The following DACH2 variants were observed in gnomAD, a reference collection of about 807,000 sequenced individuals.
DACH2 encodes dachshund homolog 2.
DACH2 carries 17 observed loss-of-function variants against 35.8 expected under a neutral mutation model. The ratio of observed to expected loss-of-function variants is 0.48; its 90% confidence interval spans 0.33 to 0.71. DACH2 has a LOEUF of 0.71. Ranked by LOEUF, DACH2 falls within the 30% of genes least tolerant of loss-of-function variation. The probability of loss-of-function intolerance (pLI) is 0.02; values close to 1 mark genes in which losing one functional copy is unlikely to be tolerated. For missense variants in DACH2, 469 were observed against 472.7 expected (o/e 0.99, Z 0.07); for synonymous variants, 195 against 177.3 (o/e 1.10, Z -0.79).
At chrX:86,579,667 A>T (rs1402682316) in intron 3 of DACH2, among the ~76,000 whole-genome samples, 1 of 112,029 alleles carries the variant, frequency 8.9e-6, no homozygotes, top group African/African-American at 3.2e-5. Context: ...TTTTTATGAA[A>T]TCCAATTTAT....
intron 4 of DACH2, among the ~76,000 whole-genome samples, chrX:86,667,458 AGAAT>A (rs1158259344): frequency 1.0e-5 from 1 of 98,116 alleles, no homozygotes; most frequent in African/African-American, 4.1e-5. Context: ...AGAGAAAGAA[AGAAT>A]GAATGAAAGA....
chrX:86,325,023 T>G (rs1334482189), intron 1 of DACH2, among the ~76,000 whole-genome samples: 2 of 111,523 alleles, frequency 1.8e-5, no homozygotes, highest in Non-Finnish European at 3.8e-5. Context: ...CATGGTTTTT[T>G]AGATATCATT....
intron 1 of DACH2, among the ~76,000 whole-genome samples, chrX:86,170,213 C>A (rs2031080897): frequency 9.0e-6 from 1 of 111,700 alleles, no homozygotes. Flanking sequence ...TCTGTCTGTT[C>A]TGAGCCACCT....
chrX:86,259,898 G>A (rs1239998614), intron 1 of DACH2, among the ~76,000 whole-genome samples: 2 of 110,559 alleles, frequency 1.8e-5, no homozygotes, highest in African/African-American at 6.6e-5. Flanking sequence ...GATATTCTTG[G>A]CCATATTGAT....
intron 2 of DACH2, among the ~76,000 whole-genome samples, chrX:86,428,667 A>G (rs1569395598): frequency 1.8e-5 from 2 of 111,328 alleles, no homozygotes; most frequent in South Asian, 3.7e-4. Flanking sequence ...ATTTTTTTAA[A>G]TATCTTAGCA....
chrX:86,349,463 T>C (rs1476223852), intron 1 of DACH2, among the ~76,000 whole-genome samples: 1 of 111,689 alleles, frequency 9.0e-6, no homozygotes, highest in Non-Finnish European at 1.9e-5. Context: ...AATGCAACCT[T>C]TGGGTGCGAA....
chrX:86,616,267 T>C (rs1236132780), intron 3 of DACH2, among the ~76,000 whole-genome samples: 2 of 112,100 alleles, frequency 1.8e-5, no homozygotes, highest in Non-Finnish European at 3.8e-5. Context: ...GAAAGATTTA[T>C]ATTCCTTTGG....
At chrX:86,548,332 G>A (rs913109188) in intron 3 of DACH2, among the ~76,000 whole-genome samples, 2 of 110,791 alleles carry the variant, frequency 1.8e-5, no homozygotes, top group Non-Finnish European at 3.8e-5. Flanking sequence ...AGGTACAATA[G>A]GAAAGAAAAG....
chrX:86,417,284 A>G (rs1279985754), intron 2 of DACH2, among the ~76,000 whole-genome samples: 1 of 110,906 alleles, frequency 9.0e-6, no homozygotes, highest in African/African-American at 3.3e-5. Flanking sequence ...TTTGGAGAAG[A>G]CAAATATCCA....
chrX:86,605,128 G>T (rs1367191814), intron 3 of DACH2, among the ~76,000 whole-genome samples: 2 of 111,998 alleles, frequency 1.8e-5, no homozygotes, highest in African/African-American at 3.2e-5. Flanking sequence ...ACAGTAATTT[G>T]ATTTGAATCA....
At chrX:86,695,910 A>C (rs976754294) in intron 5 of DACH2, among the ~76,000 whole-genome samples, 8 of 111,451 alleles carry the variant, frequency 7.2e-5, no homozygotes, top group Non-Finnish European at 1.3e-4. Context: ...ATAAAAATAC[A>C]TCCACTTAAG....
intron 1 of DACH2, among the ~76,000 whole-genome samples, chrX:86,334,733 C>A (rs1177891028): frequency 6.3e-5 from 7 of 111,960 alleles, no homozygotes; most frequent in Admixed American, 1.9e-4. Context: ...ATGATAGTTT[C>A]TTTTGCTGTG....
At chrX:86,225,659 C>T (rs1458768645) in intron 1 of DACH2, among the ~76,000 whole-genome samples, 5 of 110,702 alleles carry the variant, frequency 4.5e-5, no homozygotes, top group Non-Finnish European at 9.5e-5. Flanking sequence ...AGTGTTGGGA[C>T]CCATCTTGAT....
intron 4 of DACH2, among the ~76,000 whole-genome samples, chrX:86,658,883 C>T (rs766187987): frequency 6.3e-5 from 7 of 111,580 alleles, no homozygotes; most frequent in Non-Finnish European, 1.3e-4. Flanking sequence ...GGAAAACCCA[C>T]GATTATAACC....
chrX:86,688,149 C>A (rs754499650), intron 4 of DACH2, among the ~76,000 whole-genome samples: 1 of 112,169 alleles, frequency 8.9e-6, no homozygotes, highest in South Asian at 3.7e-4. Context: ...TTTCTTAGAA[C>A]CCTTTGAAGG....
At position 86,358,342 on chromosome X, in the gene DACH2, G is replaced by A. The variant is rs1425102034; in HGVS notation, c.489-18482G>A. Among the ~76,000 whole-genome samples, 8 of 109,477 alleles carry A rather than the reference G, an allele frequency of 7.3e-5. No homozygotes were observed. In the Admixed American group the frequency reaches 7.9e-4, roughly 11 times the overall value. ...AATCACTTTCTCCTTTGCTTAAACG[G>A]GCTTGTTCTTATTTAGTTTTAAGTA... On this transcript the variant is annotated intron_variant, in intron 1 of 11. Coordinates refer to ENST00000373125, the MANE Select transcript of DACH2 (RefSeq NM_053281.3).
rs756062539 is a variant in DACH2, at chrX:86,597,044, G to A, written c.641-53992G>A. The stretch of plus-strand genomic sequence containing the variant: ...CTGCCTTGATTAATGCAGTCTTGTA[G>A]TAAGTTTTGAAATTGGGAAGTTTGA... On this transcript the variant is annotated intron_variant, in intron 3 of 11. Transcript: ENST00000373125. Among the ~76,000 whole-genome samples, 25 of 111,660 alleles carry A rather than the reference G, an allele frequency of 2.2e-4. No homozygotes were observed. In the Admixed American group the frequency reaches 2.3e-3, roughly 10 times the overall value.
chrX:86,417,660 G>A lies in DACH2; in HGVS notation c.527+40798G>A, dbSNP rs895064772. On this transcript the variant is annotated intron_variant, in intron 2 of 11. Transcript: ENST00000373125. ...TCCTCCCATATCATGTGGGAATGGT[G>A]GGAGTTACAATTCAAGGTGAGATTT... 2.7e-5 allele frequency among the ~76,000 whole-genome samples: 3 copies of A among 111,486 alleles called. No individual in the cohort carries two copies. In the Admixed American group the frequency reaches 2.8e-4, roughly 11 times the overall value.
At chrX:86,532,498 C>G (rs1246142195) in intron 3 of DACH2, among the ~76,000 whole-genome samples, 2 of 110,068 alleles carry the variant, frequency 1.8e-5, no homozygotes, top group Non-Finnish European at 3.8e-5. Flanking sequence ...CTCTCTCTCT[C>G]TCTCTCTTTC....
Sources: gnomAD v4.1 joint callset for allele counts (sites outside exome capture counted in the v4.1 genomes callset) on GRCh38, gnomAD v4.1.1 for gene constraint, MANE v1.5 for transcripts, NCBI Gene and HGNC (gene_info 2026-07-23, HGNC 2026-07-21) for gene names.